Variants in CNTRL observed in about 807,000 individuals in gnomAD.
CNTRL encodes 110 kDa centrosomal protein.
A neutral mutation model predicts 303.7 loss-of-function variants in CNTRL; 233 were observed. The ratio of observed to expected loss-of-function variants is 0.77; its 90% CI spans 0.69 to 0.86. CNTRL has a LOEUF of 0.86. Ranked by LOEUF, CNTRL falls within the 40% of genes least tolerant of loss-of-function variation. CNTRL has a pLI of 0.00. For synonymous variants in CNTRL, 900 were observed against 922.2 expected (o/e 0.98, Z 0.44); for missense variants, 2,524 against 2,650.6 (o/e 0.95, Z 1.05).
chr9:121,086,238 A>G (rs1003713073), intron 2 of CNTRL, among the ~76,000 whole-genome samples: 13 of 152,234 alleles, frequency 8.5e-5, no homozygotes, highest in Non-Finnish European at 8.8e-5. Context: ...GAGACAGTGT[A>G]AACAAAACAG....
intron 6 of CNTRL, among the ~76,000 whole-genome samples, chr9:121,097,484 C>A (rs2048938336): frequency 6.6e-6 from 1 of 152,124 alleles, no homozygotes; most frequent in Non-Finnish European, 1.5e-5. Context: ...AAGCTATATT[C>A]TTTAAGCCTT....
intron 16 of CNTRL, among the ~76,000 whole-genome samples, chr9:121,139,926 C>T (rs1203625004): frequency 6.6e-6 from 1 of 152,224 alleles, no homozygotes; most frequent in African/African-American, 2.4e-5. Flanking sequence ...AGAATGCTGA[C>T]ACGTGTTGTG....
chr9:121,077,904 C>T (rs1203731482), intron 1 of CNTRL, among the ~76,000 whole-genome samples: 2 of 152,122 alleles, frequency 1.3e-5, no homozygotes, highest in African/African-American at 4.8e-5. Context: ...CATGAGCATG[C>T]CACTACACTC....
At chr9:121,075,157 G>A (rs2047863116) in intron 1 of CNTRL, 90 bp downstream of exon 1, 1 of 351,426 alleles carries the variant, frequency 2.8e-6, no homozygotes, top group Non-Finnish European at 5.6e-6. Context: ...CGGACCGGGC[G>A]TGGTGTGGGC....
intron 7 of CNTRL, among the ~76,000 whole-genome samples, chr9:121,102,038 TAA>T (rs2049200494): frequency 1.3e-5 from 2 of 152,202 alleles, no homozygotes; most frequent in Non-Finnish European, 2.9e-5. Context: ...GAATCCACCC[TAA>T]CTCATTTTAT....
intron 12 of CNTRL, among the ~76,000 whole-genome samples, chr9:121,120,130 T>TA (rs2050164306): frequency 6.6e-6 from 1 of 151,864 alleles, no homozygotes; most frequent in Non-Finnish European, 1.5e-5. Context: ...GTTTTTTTTT[T>TA]AAAGAACTTT....
At position 121,173,728 on chromosome 9, in the gene CNTRL, C is replaced by G. The variant is rs549574541; in HGVS notation, c.6738C>G (p.Asp2246Glu). The change falls in exon 42 of 44, where the codon GAC becomes GAG. Residue 2246 changes from aspartate (D) to glutamate (E), a missense_variant. Asp to Glu is a conservative substitution (Grantham distance 45). Coordinates refer to ENST00000373855, the MANE Select transcript of CNTRL (RefSeq NM_007018.6). ...GGGAGAAACTGCGTCACCGGGAAGA[C>G]CGACTCAAGGTTGCCCTTTAAAACA... ...ALREKLRHRE[D>E]RLKAQLRHCM... 7 of 1,614,076 alleles carry G rather than the reference C, an allele frequency of 4.3e-6. No individual in the cohort carries two copies. The highest frequency in any genetic ancestry group is 5.9e-6 in the Non-Finnish European group (7 of 1,179,972).
At chr9:121,120,591 C>G (rs952022605) in intron 12 of CNTRL, among the ~76,000 whole-genome samples, 1 of 152,194 alleles carries the variant, frequency 6.6e-6, no homozygotes, top group Admixed American at 6.5e-5. Context: ...AGGAAGGAAG[C>G]AGCTTATAGA....
At position 121,156,769 on chromosome 9, in the gene CNTRL, GT is replaced by G. The variant is rs1202678087; in HGVS notation, c.4366-696del. 2.0e-5 allele frequency among the ~76,000 whole-genome samples: 3 copies of G among 150,932 alleles called. 1 individual carries two copies. On this transcript the variant is annotated intron_variant, in intron 27 of 43. Transcript: ENST00000373855. ...AAACCAAGTTGATTAAAACAAATGT[GT>G]TTTTACCAAATCTTATATAGGAAGA... is the stretch of plus-strand genomic sequence containing the variant.
At chr9:121,144,811 G>C in intron 20 of CNTRL, 32 bp from the exon 21 acceptor site, 1 of 1,489,220 alleles carries the variant, frequency 6.7e-7, no homozygotes, top group South Asian at 1.1e-5. Context: ...TGTGATAGCA[G>C]TGGTGCCTTT....
rs2048826979 is a variant in CNTRL at position 121,094,965 on chromosome 9, G to C, written c.426G>C (p.Lys142Asn). 6.2e-7 allele frequency: 1 copy of C among 1,607,112 alleles called. No individual in the cohort carries two copies. ...ATAATCTAATAGGGAAGATTGAAAA[G>C]TTGGACAAGCTGTTAAAATTACGTG... ...LSYNLIGKIE[K>N]LDKLLKLREL... The change falls in exon 5 of 44, where the codon AAG becomes AAC. Residue 142 changes from lysine to asparagine, a missense_variant. Transcript: ENST00000373855.
chr9:121,088,626 A>G (rs1345522184), intron 3 of CNTRL, 83 bp downstream of exon 3: 8 of 759,956 alleles, frequency 1.1e-5, no homozygotes, highest in South Asian at 1.7e-5. Flanking sequence ...TTTTGGTCCA[A>G]CTGTAACATT....
In CNTRL at chr9:121,142,237, A is replaced by T; in HGVS notation, c.2838A>T (p.Arg946Ser). The T allele has an allele frequency of 6.2e-7, 1 of 1,609,402 alleles. No individual in the cohort carries two copies. The highest frequency in any genetic ancestry group is 8.5e-7 in the Non-Finnish European group (1 of 1,178,680). Residue 946 changes from arginine to serine, a missense_variant, in exon 19 of 44, where the codon AGA becomes AGT. Coordinates refer to ENST00000373855, the MANE Select transcript of CNTRL (RefSeq NM_007018.6). The part of the protein sequence containing the change: ...QLQEADEEKE[R>S]ILAQLRELEK... ...AGGAAGCTGATGAAGAGAAGGAGAG[A>T]ATTCTGGCCCAACTCCGAGAGTTAG...
At position 121,172,545 on chromosome 9, in the gene CNTRL, G is replaced by T. The variant is rs192413934; in HGVS notation, c.6418-698G>T. On this transcript the variant is annotated intron_variant, in intron 40 of 43. Transcript: ENST00000373855. ...AGTCCCAGCTATTCGGGAGGCTGAGGGGGGAGGATTGCTTGAGCCTGGGAG... is the reference window on the plus strand; with the variant it reads ...AGTCCCAGCTATTCGGGAGGCTGAGTGGGGAGGATTGCTTGAGCCTGGGAG... Among the ~76,000 whole-genome samples, 20 of 152,226 alleles carry T rather than the reference G, an allele frequency of 1.3e-4. No individual in the cohort carries two copies. The East Asian group carries it at 1.3e-3, about 10-fold the overall frequency.
chr9:121,160,176 C>T lies in CNTRL; in HGVS notation c.4963C>T (p.Gln1655Ter). The change falls in exon 32 of 44, where the codon CAG becomes TAG. Residue 1655 changes from glutamine (Q) to a stop codon, truncating the protein, a stop_gained. Coordinates refer to ENST00000373855, the MANE Select transcript of CNTRL (RefSeq NM_007018.6). LOFTEE classifies it high-confidence loss of function. ...ATCTCTTCTGGAAGAACTGAGTTTT[C>T]AGAAAGGAGAACTAAATGTTCAGAT... is the stretch of plus-strand genomic sequence containing the variant. ...VKSLLEELSFQKGELNVQISE... is the reference protein window; with the variant it reads ...VKSLLEELSF The T allele has an allele frequency of 6.6e-7, 1 of 1,509,050 alleles. No individual in the cohort carries two copies. Among genetic ancestry groups the T allele is most frequent in the Non-Finnish European group, 8.8e-7 (1 of 1,135,024 alleles). 93.5% of individuals were successfully genotyped at this position (1,509,050 alleles called of 1,614,324 possible).
chr9:121,140,527 TGAAA>T, intron 16 of CNTRL, 110 bp from the exon 17 acceptor site: 1 of 890,646 alleles, frequency 1.1e-6, no homozygotes, highest in Non-Finnish European at 1.6e-6. Flanking sequence ...TCTTTTTACT[TGAAA>T]GAGGCATTGT....
At chr9:121,108,855 T>C (rs1446120893) in intron 8 of CNTRL, among the ~76,000 whole-genome samples, 2 of 152,190 alleles carry the variant, frequency 1.3e-5, no homozygotes, top group African/African-American at 2.4e-5. Context: ...CAACTGTATT[T>C]AGCAGAAATG....
At chr9:121,168,404 C>G in intron 38 of CNTRL, 83 bp downstream of exon 38, 1 of 1,224,046 alleles carries the variant, frequency 8.2e-7, no homozygotes, top group Non-Finnish European at 1.2e-6. Context: ...TAAAGAGATC[C>G]GGACCCCAGC....
intron 14 of CNTRL, among the ~76,000 whole-genome samples, chr9:121,134,895 GC>G (rs2051097484): frequency 6.6e-6 from 1 of 152,110 alleles, no homozygotes; most frequent in Non-Finnish European, 1.5e-5. Flanking sequence ...AACTGTCTCT[GC>G]CTTTTCTTAA....
Sources: gnomAD v4.1 joint callset for allele counts (sites outside exome capture counted in the v4.1 genomes callset) on GRCh38, gnomAD v4.1.1 for gene constraint, MANE v1.5 for transcripts, NCBI Gene and HGNC (gene_info 2026-07-23, HGNC 2026-07-21) for gene names.